Variants in KALRN observed in about 807,000 individuals in gnomAD.
KALRN encodes kalirin.
Under a neutral mutation model 353.7 loss-of-function variants are expected in KALRN, and 70 were observed. The ratio of observed to expected loss-of-function variants is 0.20; its 90% confidence interval spans 0.16 to 0.24. The LOEUF is 0.24. KALRN is among the 10% of genes least tolerant of loss of function. The pLI, the probability that KALRN is intolerant of heterozygous loss-of-function variation, is 1.00. For missense variants in KALRN, 2,791 were observed against 3,756.7 expected, an observed-to-expected ratio of 0.74 and a Z score of 6.72; for synonymous variants, 1,391 against 1,434.8, an observed-to-expected ratio of 0.97 and a Z score of 0.69.
chr3:124,270,819 G>A (rs11926621), intron 5 of KALRN, among the ~76,000 whole-genome samples: 2 of 68,024 alleles, frequency 2.9e-5, no homozygotes, highest in Admixed American at 1.6e-4. Flanking sequence ...TTATTTTTTT[G>A]TTTTGTTTTT....
At chr3:124,502,557 TA>T (rs2064719161) in intron 33 of KALRN, among the ~76,000 whole-genome samples, 1 of 152,176 alleles carries the variant, frequency 6.6e-6, no homozygotes, top group Non-Finnish European at 1.5e-5. Context: ...CCCAACTAGG[TA>T]CCAGCTGCAT....
chr3:124,112,336 C>T lies in KALRN; in HGVS notation c.73+78523C>T, dbSNP rs183071346. Reference sequence around the variant, plus strand: ...AAAAAAAAAAAGAATCCTCCAAAAACTTGGAAACATGAGCATCCCTTCCCT... The same window carrying T: ...AAAAAAAAAAAGAATCCTCCAAAAATTTGGAAACATGAGCATCCCTTCCCT... On this transcript the variant is annotated intron_variant, in intron 1 of 59. Coordinates refer to ENST00000682506, the MANE Select transcript of KALRN (RefSeq NM_001388419.1). Among the ~76,000 whole-genome samples, 3 of 145,576 alleles carry T rather than the reference C, an allele frequency of 2.1e-5. No individual in the cohort carries two copies. The East Asian group carries it at 6.2e-4, about 30-fold the overall frequency.
chr3:124,421,762 T>C (rs907078394), intron 14 of KALRN, among the ~76,000 whole-genome samples: 23 of 152,320 alleles, frequency 1.5e-4, no homozygotes, highest in African/African-American at 5.3e-4. Flanking sequence ...AGAAATTTAT[T>C]TGATGAAGGC....
At chr3:124,474,782 C>A in intron 26 of KALRN, 50 bp downstream of exon 26, 1 of 1,379,170 alleles carries the variant, frequency 7.3e-7, no homozygotes, top group Non-Finnish European at 1.0e-6. Context: ...TGGCACCACT[C>A]TTCAGTGCCT....
At chr3:124,206,082 G>A (rs1467889644) in intron 1 of KALRN, among the ~76,000 whole-genome samples, 2 of 152,176 alleles carry the variant, frequency 1.3e-5, no homozygotes, top group African/African-American at 4.8e-5. Flanking sequence ...ATTAATAAGA[G>A]AGTGTTCCCT....
chr3:124,208,859 G>A (rs531416342), intron 1 of KALRN, among the ~76,000 whole-genome samples: 6 of 151,936 alleles, frequency 3.9e-5, no homozygotes, highest in East Asian at 1.9e-4. Flanking sequence ...CCAGCTACTC[G>A]GGAGGTTGAT....
At position 124,725,681 on chromosome 3, in the gene KALRN, T is replaced by C. The variant is rs953290820; in HGVS notation, c.*6211T>C. ...TCTTTTGACATCCACAAAGCCAAAC[T>C]AACAAAGTGTGAAACATAAAGGGGC... On this transcript the variant is annotated 3_prime_UTR_variant, in exon 60 of 60. Coordinates refer to ENST00000682506, the MANE Select transcript of KALRN (RefSeq NM_001388419.1). 1 of 152,226 alleles carries C rather than the reference T, an allele frequency of 6.6e-6. No homozygotes were observed. The highest frequency in any genetic ancestry group is 1.5e-5 in the Non-Finnish European group (1 of 68,030). 9.4% of individuals were successfully genotyped at this position (152,226 alleles called of 1,614,324 possible).
chr3:124,062,755 G>T (rs1187205180), intron 1 of KALRN, among the ~76,000 whole-genome samples: 1 of 152,174 alleles, frequency 6.6e-6, no homozygotes, highest in Non-Finnish European at 1.5e-5. Context: ...CTAGTTTGGA[G>T]AGGGGAGAAA....
At chr3:124,488,492 G>C in intron 29 of KALRN, 177 bp downstream of exon 29, 1 of 582,670 alleles carries the variant, frequency 1.7e-6, no homozygotes, top group East Asian at 2.9e-5. Context: ...GACCAATTTG[G>C]CTAGCACCCT....
intron 3 of KALRN, among the ~76,000 whole-genome samples, chr3:124,251,533 C>A (rs1580061457): frequency 1.3e-5 from 2 of 152,194 alleles, no homozygotes; most frequent in Middle Eastern, 3.4e-3. Context: ...CCTTGCCCAG[C>A]TACTTTTGGT....
At chr3:124,037,422 G>T (rs963153697) in intron 1 of KALRN, among the ~76,000 whole-genome samples, 1 of 152,178 alleles carries the variant, frequency 6.6e-6, no homozygotes, top group Non-Finnish European at 1.5e-5. Flanking sequence ...AGTGAGGAAT[G>T]GGAAACAGGA....
intron 1 of KALRN, among the ~76,000 whole-genome samples, chr3:124,118,461 A>G (rs2063664079): frequency 6.6e-6 from 1 of 151,692 alleles, no homozygotes; most frequent in East Asian, 2.0e-4. Context: ...CTGCAAAGAT[A>G]TACATGTGAA....
intron 10 of KALRN, among the ~76,000 whole-genome samples, chr3:124,367,607 C>A (rs1354967131): frequency 2.7e-5 from 1 of 36,946 alleles, no homozygotes; most frequent in Non-Finnish European, 5.5e-5. Flanking sequence ...CGCCCCTCAC[C>A]TCCCGGACGG....
At position 124,632,423 on chromosome 3, in the gene KALRN, C is replaced by T. The variant is rs902354649; in HGVS notation, c.5186C>T (p.Ala1729Val). The T allele has an allele frequency of 6.2e-7, 1 of 1,613,820 alleles. No individual in the cohort carries two copies. Among genetic ancestry groups the T allele is most frequent in the Non-Finnish European group, 8.5e-7 (1 of 1,179,826 alleles). ...MDCFFPLVKD[A>V]YSHSSSENGG... Reference sequence around the variant, plus strand: ...TGTGTCTGTCCGTTTTCCTCAGATGCATACTCTCATTCCTCAAGCGAGAAT... The same window carrying T: ...TGTGTCTGTCCGTTTTCCTCAGATGTATACTCTCATTCCTCAAGCGAGAAT... The change falls in exon 35 of 60, where the codon GCA becomes GTA. Residue 1729 changes from alanine to valine, a missense_variant. Around this residue, in one of 11 missense-constraint regions of KALRN, gnomAD observed 1,065 missense variants for 1,156.4 expected, o/e 0.92. Transcript: ENST00000682506.
chr3:124,234,993 G>A, intron 3 of KALRN, 50 bp downstream of exon 3: 1 of 1,376,644 alleles, frequency 7.3e-7, no homozygotes, highest in African/African-American at 1.4e-5. Context: ...GAGCTGGGCT[G>A]ATGCCAGTTT....
At chr3:124,426,436 A>G (rs568815818) in intron 15 of KALRN, among the ~76,000 whole-genome samples, 1 of 152,324 alleles carries the variant, frequency 6.6e-6, no homozygotes, top group South Asian at 2.1e-4. Flanking sequence ...CAACTATGTC[A>G]TTAGAGCTCA....
chr3:124,304,863 C>T (rs1223937069), intron 6 of KALRN, among the ~76,000 whole-genome samples: 1 of 152,178 alleles, frequency 6.6e-6, no homozygotes, highest in African/African-American at 2.4e-5. Context: ...TTATCCTGCC[C>T]CAAACTACGT....
intron 14 of KALRN, among the ~76,000 whole-genome samples, chr3:124,420,722 G>T (rs3755668): frequency 0.043 from 6,471 of 151,892 alleles, 300 homozygotes; most frequent in East Asian, 0.19. Flanking sequence ...TGTAACACCA[G>T]AAAAAAAAGG....
At chr3:124,076,710 T>C (rs1173490235) in intron 1 of KALRN, among the ~76,000 whole-genome samples, 3 of 152,066 alleles carry the variant, frequency 2.0e-5, no homozygotes, top group Non-Finnish European at 4.4e-5. Context: ...TAATGACCCA[T>C]GTATAGATGA....
Sources: allele counts gnomAD v4.1 joint callset (sites outside exome capture counted in the v4.1 genomes callset), GRCh38; gene constraint gnomAD v4.1.1; regional missense constraint gnomAD v4.1.1; transcripts MANE v1.5; gene names NCBI Gene and HGNC (gene_info 2026-07-23, HGNC 2026-07-21).